ROBO2: variants seen among roughly 807,000 people sequenced by gnomAD.
ROBO2 encodes the protein roundabout guidance receptor 2.
ROBO2 carries 53 observed loss-of-function variants against 160.8 expected under a neutral mutation model. The ratio of observed to expected loss-of-function variants is 0.33; its 90% CI spans 0.26 to 0.41. ROBO2 has a LOEUF of 0.41. Ranked by LOEUF, ROBO2 falls within the 10% of genes least tolerant of loss-of-function variation. The pLI is 1.00. For missense variants in ROBO2, 1,577 were observed against 1,722.4 expected, an observed-to-expected ratio of 0.92 and a Z score of 1.49; for synonymous variants, 664 against 611.7, an observed-to-expected ratio of 1.09 and a Z score of -1.26.
At chr3:77,156,722 T>A (rs780769070) in intron 2 of ROBO2, among the ~76,000 whole-genome samples, 107 of 150,486 alleles carry the variant, frequency 7.1e-4, no homozygotes, top group Non-Finnish European at 1.2e-3. Flanking sequence ...TAGTACTTTT[T>A]AATATATTTA....
chr3:76,924,032 C>CT, intron 2 of ROBO2, among the ~76,000 whole-genome samples: 1 of 152,256 alleles, frequency 6.6e-6, no homozygotes, highest in South Asian at 2.1e-4. Context: ...TGTTTAATCA[C>CT]TTTTTTTCCA....
chr3:77,381,757 A>G (rs554478014), intron 2 of ROBO2, among the ~76,000 whole-genome samples: 2 of 152,312 alleles, frequency 1.3e-5, no homozygotes, highest in Admixed American at 6.5e-5. Context: ...ATTTGCATAT[A>G]TCCACATATG....
intron 2 of ROBO2, among the ~76,000 whole-genome samples, chr3:76,427,855 C>A (rs1355133933): frequency 6.6e-6 from 1 of 152,066 alleles, no homozygotes; most frequent in Non-Finnish European, 1.5e-5. Flanking sequence ...TATCTTAGCA[C>A]AAATATCTTA....
At chr3:76,367,052 A>C (rs1305823329) in intron 2 of ROBO2, among the ~76,000 whole-genome samples, 1 of 152,032 alleles carries the variant, frequency 6.6e-6, no homozygotes, top group African/African-American at 2.4e-5. Flanking sequence ...TATGAATTTC[A>C]TTTTTAAGAA....
intron 2 of ROBO2, among the ~76,000 whole-genome samples, chr3:76,017,502 T>G (rs999038615): frequency 1.3e-5 from 2 of 152,140 alleles, no homozygotes; most frequent in Non-Finnish European, 2.9e-5. Context: ...GTTATAGTTA[T>G]AAACTTAGCA....
At chr3:76,958,729 T>G (rs919555909) in intron 2 of ROBO2, among the ~76,000 whole-genome samples, 1 of 152,212 alleles carries the variant, frequency 6.6e-6, no homozygotes, top group African/African-American at 2.4e-5. Context: ...GGTCAGGTTT[T>G]GTCCACATGG....
At chr3:76,939,293 T>C (rs181309796) in intron 2 of ROBO2, among the ~76,000 whole-genome samples, 1 of 152,330 alleles carries the variant, frequency 6.6e-6, no homozygotes, top group Admixed American at 6.5e-5. Context: ...GTAACATATG[T>C]GAAAGCAGGC....
intron 2 of ROBO2, among the ~76,000 whole-genome samples, chr3:77,473,440 CTTTTTTTT>C (rs71104688): frequency 2.4e-3 from 188 of 77,802 alleles, no homozygotes; most frequent in African/African-American, 8.2e-3. Flanking sequence ...ACAAACTGCT[CTTTTTTTT>C]TTTTTTTTTT....
intron 2 of ROBO2, among the ~76,000 whole-genome samples, chr3:76,423,171 G>A (rs1437496402): frequency 6.6e-6 from 1 of 152,110 alleles, no homozygotes; most frequent in East Asian, 1.9e-4. Context: ...CTTAAGGTCA[G>A]GCAAGTTAAG....
chr3:77,409,103 GTATA>G (rs57350639), intron 2 of ROBO2, among the ~76,000 whole-genome samples: 3 of 129,656 alleles, frequency 2.3e-5, no homozygotes, highest in East Asian at 2.4e-4. Context: ...ATATATATAT[GTATA>G]TATATATATA....
At position 77,442,168 on chromosome 3, in the gene ROBO2, T is replaced by C. The variant is rs151136966; in HGVS notation, c.389-35246T>C. ...TCTACTAAAAATACAGAAAATTAGCTGGGCGTCATGGCGGGCGCCTGTAGT... is the reference window on the plus strand; with the variant it reads ...TCTACTAAAAATACAGAAAATTAGCCGGGCGTCATGGCGGGCGCCTGTAGT... On this transcript the variant is annotated intron_variant, in intron 2 of 25. Coordinates refer to ENST00000461745, the Ensembl canonical transcript of ROBO2. Among the ~76,000 whole-genome samples, 874 of 152,056 alleles carry C rather than the reference T, an allele frequency of 5.7e-3. 9 individuals are homozygous for C. The highest frequency in any genetic ancestry group is 0.019 in the African/African-American group (808 of 41,494).
intron 2 of ROBO2, among the ~76,000 whole-genome samples, chr3:76,966,930 G>A (rs990406039): frequency 6.6e-6 from 1 of 152,188 alleles, no homozygotes; most frequent in Non-Finnish European, 1.5e-5. Flanking sequence ...TTTGCTTGAA[G>A]AGCAGGGTAC....
In ROBO2 at chr3:77,127,010, C is replaced by A. The variant is rs1382237175; in HGVS notation, c.388+28670C>A. Among the ~76,000 whole-genome samples the A allele has an allele frequency of 2.0e-5, 3 of 151,532 alleles. No homozygotes were observed. In the East Asian group the frequency reaches 5.9e-4, roughly 30 times the overall value. The stretch of plus-strand genomic sequence containing the variant: ...TTCACCATGTTAGCCAGGATGGTCT[C>A]CATCTCCTGACCTCATGATCCGCCC... On this transcript the variant is annotated intron_variant, in intron 2 of 25. Transcript: ENST00000461745.
intron 2 of ROBO2, among the ~76,000 whole-genome samples, chr3:77,348,642 T>G (rs1485561196): frequency 6.6e-6 from 1 of 152,168 alleles, no homozygotes; most frequent in African/African-American, 2.4e-5. Flanking sequence ...AAGCTATTTG[T>G]TCTATTTTCA....
intron 2 of ROBO2, among the ~76,000 whole-genome samples, chr3:77,325,022 A>C (rs1003555759): frequency 6.6e-6 from 1 of 152,164 alleles, no homozygotes; most frequent in Non-Finnish European, 1.5e-5. Context: ...GAAGGAAATT[A>C]AAGTATAGTT....
At chr3:76,008,631 C>T (rs2107601074) in intron 2 of ROBO2, among the ~76,000 whole-genome samples, 1 of 152,218 alleles carries the variant, frequency 6.6e-6, no homozygotes, top group Admixed American at 6.5e-5. Flanking sequence ...GAATGAATTC[C>T]TAATTTTATA....
At chr3:76,933,558 T>C (rs2077490576) in intron 2 of ROBO2, among the ~76,000 whole-genome samples, 1 of 152,230 alleles carries the variant, frequency 6.6e-6, no homozygotes, top group African/African-American at 2.4e-5. Context: ...TATTGATGGA[T>C]ATTTGTGATC....
At chr3:77,373,119 T>C (rs576243673) in intron 2 of ROBO2, among the ~76,000 whole-genome samples, 2 of 146,996 alleles carry the variant, frequency 1.4e-5, no homozygotes, top group African/African-American at 4.9e-5. Flanking sequence ...AAAATTATTA[T>C]AAAAGTTATA....
At chr3:77,100,083 C>G (rs572760387) in intron 2 of ROBO2, among the ~76,000 whole-genome samples, 1 of 152,204 alleles carries the variant, frequency 6.6e-6, no homozygotes, top group Admixed American at 6.5e-5. Context: ...GTTGTTTCAT[C>G]TAAAAGAATT....
Sources: allele counts gnomAD v4.1 joint callset (sites outside exome capture counted in the v4.1 genomes callset), GRCh38; gene constraint gnomAD v4.1.1; transcripts MANE v1.5; gene names NCBI Gene and HGNC (gene_info 2026-07-23, HGNC 2026-07-21).